ANKAR: variants seen among roughly 807,000 people sequenced by gnomAD.
ANKAR encodes ankyrin and armadillo repeat-containing protein.
A neutral mutation model predicts 146.2 loss-of-function variants in ANKAR; 136 were observed. The ratio of observed to expected loss-of-function variants is 0.93; its 90% CI spans 0.81 to 1.07. ANKAR has a LOEUF of 1.07. Among genes scored for constraint, ANKAR ranks in the 50% least tolerant of loss-of-function variants. The pLI is 0.00. For synonymous variants in ANKAR, 500 were observed against 575.8 expected (o/e 0.87, Z 1.88); for missense variants, 1,567 against 1,679.9 (o/e 0.93, Z 1.18).
intron 5 of ANKAR, 47 bp downstream of exon 5, chr2:189,693,224 C>A (rs375468743): frequency 8.2e-7 from 1 of 1,226,342 alleles, no homozygotes; most frequent in Non-Finnish European, 1.2e-6. Flanking sequence ...ATTTTTTGCA[C>A]GTTAGTAGAG....
chr2:189,761,503 ACAACTAGTTT>A (rs1185976246), downstream of ANKAR: 1 of 1,613,356 alleles, frequency 6.2e-7, no homozygotes, highest in East Asian at 2.2e-5. Context: ...CTGTATCATC[ACAACTAGTTT>A]CAATTCCCAA....
intron 2 of ANKAR, among the ~76,000 whole-genome samples, chr2:189,680,103 T>G (rs1393502984): frequency 6.6e-6 from 1 of 152,216 alleles, no homozygotes; most frequent in Admixed American, 6.5e-5. Context: ...TGGCAATTTT[T>G]TATTGTTTCA....
At chr2:189,747,711 G>A (rs532749097), downstream of ANKAR, among the ~76,000 whole-genome samples, 15 of 151,812 alleles carry the variant, frequency 9.9e-5, no homozygotes, top group African/African-American at 3.6e-4. Context: ...TTATTTATTC[G>A]AGATGGAGTC....
chr2:189,698,799 A>G (rs2037628483), intron 7 of ANKAR, among the ~76,000 whole-genome samples: 4 of 152,160 alleles, frequency 2.6e-5, no homozygotes, highest in Admixed American at 2.6e-4. Context: ...AAGGAGCCAG[A>G]GGACACAGGT....
Position 189,707,133 on chromosome 2 carries a change from G to A in ANKAR, c.2106G>A (p.Trp702Ter). ...TAAATATTCCTGAACTCCCAGTGTG[G>A]AAAACTTTGGTAGGTGAGTATAATC... Reference protein sequence around the residue: ...IKLNIPELPVWKTLVEMLQCE... With the variant: ...IKLNIPELPV The change falls in exon 9 of 23, where the codon TGG (tryptophan) becomes TGA (stop). Residue 702 changes from tryptophan (W) to a stop codon, truncating the protein, a stop_gained. Transcript: ENST00000684021. LOFTEE classifies it high-confidence loss of function. The A allele has an allele frequency of 6.5e-7, 1 of 1,527,024 alleles. No individual in the cohort carries two copies. The highest frequency in any genetic ancestry group is 8.8e-7 in the Non-Finnish European group (1 of 1,135,418). The allele number at this position is 1,527,024 out of a possible 1,614,324, so 94.6% of individuals were successfully genotyped here.
intron 18 of ANKAR, chr2:189,754,373 C>A (rs1318638217): frequency 1.3e-6 from 2 of 1,553,734 alleles, no homozygotes; most frequent in South Asian, 2.4e-5. Context: ...TTTTTAGAGT[C>A]ATAAAATTAA....
chr2:189,729,703 T>TGTGTGTGTGTGTGTGTGTGC (rs1480424151), intron 15 of ANKAR, among the ~76,000 whole-genome samples: 2,661 of 146,380 alleles, frequency 0.018, 104 homozygotes, highest in African/African-American at 0.062. Context: ...TGCGTGTGTG[T>TGTGTGTGTGTGTGTGTGTGC]GTGTGTGTGT....
intron 12 of ANKAR, among the ~76,000 whole-genome samples, chr2:189,726,785 T>C (rs2105821409): frequency 6.6e-6 from 1 of 152,286 alleles, no homozygotes; most frequent in African/African-American, 2.4e-5. Flanking sequence ...GGCTTGTTTT[T>C]AGTAAATACA....
At position 189,713,658 on chromosome 2, in the gene ANKAR, C is replaced by G. The variant is rs959326617; in HGVS notation, c.2224+2505C>G. Reference sequence around the variant, plus strand: ...CAACCAGTACCAGCCACTGCAAAAACATGCTGAATTGTAAAGACCATCGAT... The same window carrying G: ...CAACCAGTACCAGCCACTGCAAAAAGATGCTGAATTGTAAAGACCATCGAT... On this transcript the variant is annotated intron_variant, in intron 10 of 22. Coordinates refer to ENST00000684021, the MANE Select transcript of ANKAR (RefSeq NM_001378068.1). Among the ~76,000 whole-genome samples the G allele has an allele frequency of 2.6e-5, 4 of 152,342 alleles. 1 individual carries two copies. The South Asian group carries it at 8.3e-4, about 32-fold the overall frequency.
chr2:189,719,017 G>A (rs893171005), intron 10 of ANKAR, among the ~76,000 whole-genome samples: 3 of 152,070 alleles, frequency 2.0e-5, no homozygotes, highest in East Asian at 3.8e-4. Flanking sequence ...CCAAAGTGCT[G>A]GGATTACAGG....
At chr2:189,697,178 A>T (rs1455824622) in intron 7 of ANKAR, among the ~76,000 whole-genome samples, 4 of 151,674 alleles carry the variant, frequency 2.6e-5, no homozygotes, top group Non-Finnish European at 2.9e-5. Flanking sequence ...ATCACTTTAG[A>T]CTAGGAGTTC....
rs539715170 is a variant in ANKAR, at chr2:189,714,120, T to C, written c.2224+2967T>C. ...CACCTAGATTCATAAAGCAAGTTCT[T>C]AGAGACTTACAAAGAGACTTAGACT... On this transcript the variant is annotated intron_variant, in intron 10 of 22. Coordinates refer to ENST00000684021, the MANE Select transcript of ANKAR (RefSeq NM_001378068.1). 1.8e-3 allele frequency among the ~76,000 whole-genome samples: 274 copies of C among 152,280 alleles called. 2 individuals are homozygous for C. The highest frequency in any genetic ancestry group is 6.2e-3 in the African/African-American group (259 of 41,548).
intron 18 of ANKAR, chr2:189,752,884 G>C: frequency 6.2e-7 from 1 of 1,613,878 alleles, no homozygotes; most frequent in Non-Finnish European, 8.5e-7. Context: ...TGCATAGTCT[G>C]GGAGGAGGAC....
intron 7 of ANKAR, among the ~76,000 whole-genome samples, chr2:189,702,538 G>A (rs765192881): frequency 6.6e-6 from 1 of 152,118 alleles, no homozygotes; most frequent in East Asian, 1.9e-4. Flanking sequence ...AATTTTGAGG[G>A]TATCAGTTTG....
At chr2:189,736,505 TGTGTGTG>T (rs1559139200) in intron 17 of ANKAR, among the ~76,000 whole-genome samples, 1 of 138,346 alleles carries the variant, frequency 7.2e-6, no homozygotes, top group Non-Finnish European at 1.6e-5. Context: ...CTGGGTTTTG[TGTGTGTG>T]TGTGTGTGTG....
chr2:189,741,489 G>A (rs2043324398), intron 20 of ANKAR, 38 bp downstream of exon 20: 1 of 1,466,456 alleles, frequency 6.8e-7, no homozygotes. Context: ...AATTAAATAT[G>A]CTAAAAATAT....
intron 19 of ANKAR, among the ~76,000 whole-genome samples, chr2:189,740,948 T>A (rs2043278694): frequency 6.6e-6 from 1 of 151,388 alleles, no homozygotes; most frequent in Admixed American, 6.6e-5. Flanking sequence ...CCCACCTCGG[T>A]CTCCCAAAGG....
intron 10 of ANKAR, among the ~76,000 whole-genome samples, chr2:189,716,481 G>C (rs1168769751): frequency 6.6e-6 from 1 of 152,034 alleles, no homozygotes; most frequent in African/African-American, 2.4e-5. Flanking sequence ...TCATGGATAG[G>C]AAGAATCAAT....
chr2:189,755,252 AAC>A, intron 18 of ANKAR: 1 of 1,613,668 alleles, frequency 6.2e-7, no homozygotes, highest in Non-Finnish European at 8.5e-7. Flanking sequence ...AACTAATGCC[AAC>A]AGACAGTGAC....
Sources: gnomAD v4.1 joint callset for allele counts (sites outside exome capture counted in the v4.1 genomes callset) on GRCh38, gnomAD v4.1.1 for gene constraint, MANE v1.5 for transcripts, NCBI Gene and HGNC (gene_info 2026-07-23, HGNC 2026-07-21) for gene names.